Variants in SORCS2 observed in about 807,000 individuals in gnomAD.
SORCS2 encodes sortilin related VPS10 domain containing receptor 2, also known as VPS10 domain-containing receptor SorCS2.
SORCS2 carries 100 observed loss-of-function variants against 141.6 expected under a neutral mutation model. The observed-to-expected ratio is 0.71, with a 90% CI of 0.60 to 0.83. The LOEUF is 0.83. Among genes scored for constraint, SORCS2 ranks in the 40% least tolerant of loss-of-function variants. The pLI is 0.00. For synonymous variants in SORCS2, 789 were observed against 676.9 expected (o/e 1.17, Z -2.57); for missense variants, 1,646 against 1,560.2 (o/e 1.05, Z -0.93).
intron 1 of SORCS2, among the ~76,000 whole-genome samples, chr4:7,208,019 C>T (rs1560111563): frequency 6.6e-6 from 1 of 152,028 alleles, no homozygotes; most frequent in Non-Finnish European, 1.5e-5. Flanking sequence ...GGCGCCTTCT[C>T]CCAGGATCCC....
At chr4:7,402,543 C>T (rs1185934847) in intron 2 of SORCS2, among the ~76,000 whole-genome samples, 2 of 152,156 alleles carry the variant, frequency 1.3e-5, no homozygotes, top group Non-Finnish European at 1.5e-5. Context: ...TATGTATTCC[C>T]CTGCTGTGGG....
intron 2 of SORCS2, among the ~76,000 whole-genome samples, chr4:7,517,572 C>T (rs1030742015): frequency 2.0e-5 from 3 of 152,162 alleles, no homozygotes; most frequent in Admixed American, 1.3e-4. Flanking sequence ...CTATAATCTG[C>T]GAACTGGCAT....
intron 1 of SORCS2, among the ~76,000 whole-genome samples, chr4:7,254,847 A>G (rs1713742369): frequency 6.6e-6 from 1 of 152,034 alleles, no homozygotes; most frequent in Non-Finnish European, 1.5e-5. Flanking sequence ...TCACATCTCC[A>G]TGCACACAGC....
At chr4:7,234,155 A>C (rs1712096758) in intron 1 of SORCS2, among the ~76,000 whole-genome samples, 1 of 152,152 alleles carries the variant, frequency 6.6e-6, no homozygotes. Flanking sequence ...CTGTCATCAC[A>C]GTGGCAGGTT....
intron 2 of SORCS2, among the ~76,000 whole-genome samples, chr4:7,489,569 T>C (rs971704121): frequency 5.9e-5 from 9 of 152,202 alleles, no homozygotes; most frequent in African/African-American, 2.2e-4. Context: ...GGTATCTGGA[T>C]ATCTGTATTT....
Position 7,436,792 on chromosome 4 carries a change from G to A in SORCS2, c.548+40437G>A, listed in dbSNP as rs376422977. 4.6e-5 allele frequency among the ~76,000 whole-genome samples: 7 copies of A among 152,334 alleles called. No individual in the cohort carries two copies. In the East Asian group the frequency reaches 9.7e-4, roughly 21 times the overall value. On this transcript the variant is annotated intron_variant, in intron 2 of 26. Coordinates refer to ENST00000507866, the MANE Select transcript of SORCS2 (RefSeq NM_020777.3). ...GCCTTTGGAACAATTCCACTTGGGA[G>A]CCAGTAGAAGTAACGCTGCCCCGAA... is the stretch of plus-strand genomic sequence containing the variant.
intron 5 of SORCS2, among the ~76,000 whole-genome samples, chr4:7,655,202 T>TGTACAC (rs539590139): frequency 1.3e-5 from 2 of 148,876 alleles, no homozygotes; most frequent in African/African-American, 4.9e-5. Context: ...CTTGTGCGTG[T>TGTACAC]ACACACACAC....
At chr4:7,308,849 C>T (rs909113701) in intron 1 of SORCS2, among the ~76,000 whole-genome samples, 5 of 152,150 alleles carry the variant, frequency 3.3e-5, no homozygotes, top group Non-Finnish European at 7.3e-5. Flanking sequence ...TTGTGCCTCC[C>T]CAGGATAAAG....
chr4:7,572,064 C>T (rs947138975), intron 3 of SORCS2, among the ~76,000 whole-genome samples: 11 of 152,202 alleles, frequency 7.2e-5, no homozygotes, highest in African/African-American at 2.7e-4. Flanking sequence ...TTGATCAAAG[C>T]ATCCTCATCT....
intron 1 of SORCS2, among the ~76,000 whole-genome samples, chr4:7,232,110 C>G (rs1711931835): frequency 6.6e-6 from 1 of 152,182 alleles, no homozygotes; most frequent in African/African-American, 2.4e-5. Flanking sequence ...GGGAGAGTCA[C>G]TGTCTTGCAT....
chr4:7,462,268 A>G (rs1729358860), intron 2 of SORCS2, among the ~76,000 whole-genome samples: 1 of 152,172 alleles, frequency 6.6e-6, no homozygotes, highest in Non-Finnish European at 1.5e-5. Context: ...TGGGACTTTA[A>G]TCCCAAATGT....
intron 3 of SORCS2, among the ~76,000 whole-genome samples, chr4:7,587,009 G>A (rs751865106): frequency 3.3e-5 from 5 of 151,842 alleles, no homozygotes; most frequent in South Asian, 2.1e-4. Flanking sequence ...AGAAGCAGAC[G>A]TCAGCTAAAA....
intron 1 of SORCS2, among the ~76,000 whole-genome samples, chr4:7,229,433 C>G (rs1409814712): frequency 6.6e-6 from 1 of 152,192 alleles, no homozygotes; most frequent in Non-Finnish European, 1.5e-5. Context: ...TCCAAGGGCT[C>G]TAGAACCTTT....
At chr4:7,433,793 T>G in intron 2 of SORCS2, 1 of 1,613,642 alleles carries the variant, frequency 6.2e-7, no homozygotes, top group Non-Finnish European at 8.5e-7. Context: ...CACAGACGGA[T>G]GAACTTGCAC....
intron 2 of SORCS2, among the ~76,000 whole-genome samples, chr4:7,438,176 C>T (rs1727427672): frequency 6.6e-6 from 1 of 152,230 alleles, no homozygotes; most frequent in Non-Finnish European, 1.5e-5. Flanking sequence ...TCACACGATG[C>T]AATTCCTGGT....
At chr4:7,317,729 C>T (rs368693947) in intron 1 of SORCS2, among the ~76,000 whole-genome samples, 2 of 152,208 alleles carry the variant, frequency 1.3e-5, no homozygotes, top group African/African-American at 2.4e-5. Flanking sequence ...GAGGCAGTGA[C>T]ATGTGAATTT....
At position 7,697,381 on chromosome 4, in the gene SORCS2, A is replaced by G. The variant is rs187179753; in HGVS notation, c.1668+107A>G. 1,924 of 976,868 alleles carry G rather than the reference A, an allele frequency of 2.0e-3. 5 individuals are homozygous for G. Among genetic ancestry groups the G allele is most frequent in the Admixed American group, 3.9e-3 (151 of 38,618 alleles). The allele number at this position is 976,868 out of a possible 1,614,324, so 60.5% of individuals were successfully genotyped here. A position where few individuals can be genotyped will look rare whatever the true frequency, so the allele number is the denominator to read the frequency against. ...TCCATTCCAGAGGCTCTGTGGGAGA[A>G]GCTCTGAGCCATGTCTCCCATCTTG... On this transcript the variant is annotated intron_variant, in intron 12 of 26. Transcript: ENST00000507866.
chr4:7,378,276 G>A (rs1284092100), intron 1 of SORCS2, among the ~76,000 whole-genome samples: 1 of 152,170 alleles, frequency 6.6e-6, no homozygotes, highest in Admixed American at 6.5e-5. Flanking sequence ...ATCATCGGAG[G>A]GGTCCATTCA....
rs1393739504 is a variant in SORCS2 at position 7,411,742 on chromosome 4, A to C, written c.548+15387A>C. On this transcript the variant is annotated intron_variant, in intron 2 of 26. Coordinates refer to ENST00000507866, the MANE Select transcript of SORCS2 (RefSeq NM_020777.3). ...TACAGACAAGGAACCAATCCATGACAGTGGCATGTAATCTACCGTATGGTG... is the reference window on the plus strand; with the variant it reads ...TACAGACAAGGAACCAATCCATGACCGTGGCATGTAATCTACCGTATGGTG... Among the ~76,000 whole-genome samples, 5 of 152,296 alleles carry C rather than the reference A, an allele frequency of 3.3e-5. No homozygotes were observed. The East Asian group carries it at 9.7e-4, about 29-fold the overall frequency.
Sources: gnomAD v4.1 joint callset for allele counts (sites outside exome capture counted in the v4.1 genomes callset) on GRCh38, gnomAD v4.1.1 for gene constraint, MANE v1.5 for transcripts, NCBI Gene and HGNC (gene_info 2026-07-23, HGNC 2026-07-21) for gene names.